DNAAF5: variants seen among roughly 807,000 people sequenced by gnomAD.
DNAAF5 encodes HEAT repeat containing 2.
A neutral mutation model predicts 75.8 loss-of-function variants in DNAAF5; 64 were observed. That is an observed-to-expected ratio of 0.84 (90% CI 0.69 to 1.04). The LOEUF is 1.04. Ranked by LOEUF, DNAAF5 falls within the 50% of genes least tolerant of loss-of-function variation. The pLI, the probability that DNAAF5 is intolerant of heterozygous loss-of-function variation, is 0.00. For synonymous variants in DNAAF5, 657 were observed against 557.2 expected, an observed-to-expected ratio of 1.18 and a Z score of -2.52; for missense variants, 1,269 against 1,178.5, an observed-to-expected ratio of 1.08 and a Z score of -1.12.
chr7:733,491 G>C (rs985967072), intron 2 of DNAAF5, among the ~76,000 whole-genome samples: 1 of 151,934 alleles, frequency 6.6e-6, no homozygotes, highest in African/African-American at 2.4e-5. Context: ...TCATGTCAGT[G>C]GTTTATAGTT....
intron 1 of DNAAF5, among the ~76,000 whole-genome samples, chr7:729,130 G>A (rs1781474622): frequency 6.6e-6 from 1 of 151,964 alleles, no homozygotes; most frequent in East Asian, 1.9e-4. Context: ...CCAAGTAGCT[G>A]GGATTACAGG....
chr7:780,069 A>G lies in DNAAF5; in HGVS notation c.2356A>G (p.Ser786Gly). 1.9e-6 allele frequency: 3 copies of G among 1,614,238 alleles called. No homozygotes were observed. Among genetic ancestry groups the G allele is most frequent in the South Asian group, 1.1e-5 (1 of 91,084 alleles). ...CAACGCAAAATCCTACTATCAGAGC[A>G]GTGTCCAGTACCTGTACCGAGAGTT... ...GANAKSYYQS[S>G]VQYLYRELLV... The change falls in exon 12 of 13, where the codon AGT (serine) becomes GGT (glycine). Residue 786 changes from serine (S) to glycine (G), a missense_variant. Coordinates refer to ENST00000297440, the MANE Select transcript of DNAAF5 (RefSeq NM_017802.4).
At position 726,794 on chromosome 7, in the gene DNAAF5, TG is replaced by T; in HGVS notation, c.76del (p.Glu26SerfsTer2). On this transcript the variant is annotated frameshift_variant, in exon 1 of 13. Transcript: ENST00000297440. LOFTEE classifies it high-confidence loss of function. The stretch of plus-strand genomic sequence containing the variant: ...GAGGGGGCCGAGACGGCTGAGGCGG[TG>T]GAGCTGAGCCGCGCCCTGAGCCGCC... ...PAEGAETAEA[V>X]ELSRALSRLL... is the part of the protein sequence containing the mutation. 7.8e-7 allele frequency: 1 copy of T among 1,290,106 alleles called. No individual in the cohort carries two copies. 79.9% of individuals were successfully genotyped at this position (1,290,106 alleles called of 1,614,324 possible). A position where few individuals can be genotyped will look rare whatever the true frequency, so the allele number is the denominator to read the frequency against.
intron 2 of DNAAF5, among the ~76,000 whole-genome samples, chr7:738,441 G>A (rs1781801056): frequency 6.6e-6 from 1 of 152,082 alleles, no homozygotes; most frequent in African/African-American, 2.4e-5. Flanking sequence ...TTCACTTGGT[G>A]AGGTCATGTT....
chr7:727,427 C>G, intron 1 of DNAAF5, 112 bp downstream of exon 1: 2 of 464,472 alleles, frequency 4.3e-6, no homozygotes, highest in Non-Finnish European at 6.3e-6. Context: ...CCTCCACGCC[C>G]GCACCCCCCA....
intron 8 of DNAAF5, among the ~76,000 whole-genome samples, 158 bp downstream of exon 8, chr7:764,132 A>C (rs1055399518): frequency 6.6e-6 from 1 of 152,186 alleles, no homozygotes; most frequent in Non-Finnish European, 1.5e-5. Context: ...GCCTGGGGAG[A>C]AGCAGCATTT....
intron 8 of DNAAF5, chr7:769,180 C>T (rs751826943): frequency 2.1e-4 from 161 of 774,238 alleles, no homozygotes; most frequent in Admixed American, 1.7e-4. Flanking sequence ...AGGCTCACAT[C>T]GCGAGGTCCC....
chr7:777,469 A>G (rs1031795783), intron 11 of DNAAF5, among the ~76,000 whole-genome samples: 2 of 151,726 alleles, frequency 1.3e-5, no homozygotes, highest in African/African-American at 4.8e-5. Context: ...GGAATAAAGA[A>G]CAGATGGAAA....
chr7:741,430 T>C lies in DNAAF5; in HGVS notation c.989T>C (p.Phe330Ser), dbSNP rs777434784. 3.2e-6 allele frequency: 5 copies of C among 1,570,486 alleles called. No individual in the cohort carries two copies. The South Asian group carries it at 5.9e-5, about 18-fold the overall frequency. The change falls in exon 4 of 13, where the codon TTT (phenylalanine) becomes TCT (serine). Residue 330 changes from phenylalanine to serine, a missense_variant. Transcript: ENST00000297440. ...GAGGACCTGAAGGACAAGCTGGACTTTGCCCCTCCCACCCCACCCCATTAC... is the reference window on the plus strand; with the variant it reads ...GAGGACCTGAAGGACAAGCTGGACTCTGCCCCTCCCACCCCACCCCATTAC... ...NEEDLKDKLD[F>S]APPTPPHYPP... is the part of the protein sequence containing the mutation.
chr7:740,711 C>T, intron 2 of DNAAF5, 108 bp from the exon 3 acceptor site: 1 of 1,485,420 alleles, frequency 6.7e-7, no homozygotes, highest in South Asian at 1.2e-5. Context: ...CTGGCCGTGC[C>T]TCTGCCTCAG....
At chr7:739,556 A>G (rs893465972) in intron 2 of DNAAF5, among the ~76,000 whole-genome samples, 9 of 152,200 alleles carry the variant, frequency 5.9e-5, no homozygotes, top group African/African-American at 2.2e-4. Context: ...CGCGCCACAC[A>G]TTCCTGTGTC....
intron 2 of DNAAF5, among the ~76,000 whole-genome samples, chr7:730,829 G>A (rs2128069523): frequency 1.3e-5 from 2 of 152,346 alleles, no homozygotes; most frequent in East Asian, 3.9e-4. Context: ...GGTCTCATCA[G>A]GCCAGCGGAA....
intron 11 of DNAAF5, among the ~76,000 whole-genome samples, chr7:776,988 C>T (rs546119890): frequency 6.6e-6 from 1 of 152,284 alleles, no homozygotes; most frequent in Non-Finnish European, 1.5e-5. Flanking sequence ...GAACTGTGCA[C>T]GCGAGGGATC....
At chr7:737,636 T>C (rs899450476) in intron 2 of DNAAF5, among the ~76,000 whole-genome samples, 6 of 152,344 alleles carry the variant, frequency 3.9e-5, no homozygotes, top group African/African-American at 1.2e-4. Context: ...TCAGCTTTTG[T>C]TTGTCTGGGA....
At chr7:743,470 G>A (rs1781985233) in intron 4 of DNAAF5, among the ~76,000 whole-genome samples, 1 of 152,060 alleles carries the variant, frequency 6.6e-6, no homozygotes. Context: ...CTCCTCCCGA[G>A]CCTGTGAATC....
At chr7:758,042 G>T (rs569862935) in intron 6 of DNAAF5, among the ~76,000 whole-genome samples, 1 of 152,238 alleles carries the variant, frequency 6.6e-6, no homozygotes, top group Non-Finnish European at 1.5e-5. Flanking sequence ...GGAAGGAAAC[G>T]GAGCTGGGGT....
chr7:770,573 T>C lies in DNAAF5; in HGVS notation c.1886T>C (p.Leu629Pro). The C allele has an allele frequency of 6.2e-7, 1 of 1,613,922 alleles. No homozygotes were observed. Among genetic ancestry groups the C allele is most frequent in the Non-Finnish European group, 8.5e-7 (1 of 1,179,984 alleles). Residue 629 changes from leucine (L) to proline (P), a missense_variant, in exon 9 of 13, where the codon CTG becomes CCG. By Grantham distance (98) the Leu-to-Pro change is moderately conservative. Transcript: ENST00000297440. ...ATGCGCCTGAAGCTGTTCTCCATCC[T>C]GTCCACCGTGCTGCTCAGAGCCACG... The part of the protein sequence containing the change: ...PQMRLKLFSI[L>P]STVLLRATDT...
chr7:755,071 GCATGTTGTGTAGA>G (rs1384081230), intron 5 of DNAAF5, among the ~76,000 whole-genome samples: 1 of 152,228 alleles, frequency 6.6e-6, no homozygotes, highest in African/African-American at 2.4e-5. Context: ...AGTGCCAGGT[GCATGTTGTGTAGA>G]CGTGTTGTGT....
At chr7:753,505 C>A (rs1407818337) in intron 4 of DNAAF5, among the ~76,000 whole-genome samples, 1 of 152,244 alleles carries the variant, frequency 6.6e-6, no homozygotes, top group Non-Finnish European at 1.5e-5. Flanking sequence ...CAGCTGTCAC[C>A]CCCACCATGC....
Sources: gnomAD v4.1 joint callset for allele counts (sites outside exome capture counted in the v4.1 genomes callset) on GRCh38, gnomAD v4.1.1 for gene constraint, MANE v1.5 for transcripts, NCBI Gene and HGNC (gene_info 2026-07-23, HGNC 2026-07-21) for gene names.